The following CCDC27 variants were observed in gnomAD, a reference collection of about 807,000 sequenced individuals.
CCDC27 encodes coiled-coil domain-containing protein 27.
In CCDC27, 80 loss-of-function variants were observed where a neutral mutation model predicts 80.3. The ratio of observed to expected loss-of-function variants is 1.00; its 90% CI spans 0.83 to 1.20. The LOEUF (loss-of-function observed/expected upper bound fraction) is 1.20, where lower values mean the gene tolerates loss of function less well. CCDC27 is among the 50% of genes most tolerant of loss of function. CCDC27 has a pLI of 0.00. For missense variants in CCDC27, 815 were observed against 809.4 expected, an observed-to-expected ratio of 1.01 and a Z score of -0.08; for synonymous variants, 342 against 334.3, an observed-to-expected ratio of 1.02 and a Z score of -0.25.
chr1:3,763,922 C>A lies in CCDC27; in HGVS notation c.1452+86C>A, dbSNP rs140837813. On this transcript the variant is annotated intron_variant, in intron 8 of 11. Coordinates refer to ENST00000294600, the MANE Select transcript of CCDC27 (RefSeq NM_152492.3). The surrounding 1 kb of genome is among the most constrained non-coding windows in gnomAD (Gnocchi z 7.5). ...CCCCGGCAGCTCGGGGCAGGCGCTG[C>A]CCGTCCCATCTACTGATGGAGACTT... 26,269 of 1,527,176 alleles carry A rather than the reference C, an allele frequency of 0.017. 284 individuals are homozygous for A. Among genetic ancestry groups the A allele is most frequent in the Non-Finnish European group, 0.02 (23,121 of 1,133,000 alleles). 94.6% of individuals were successfully genotyped at this position (1,527,176 alleles called of 1,614,324 possible). A position where few individuals can be genotyped will look rare whatever the true frequency, so the allele number is the denominator to read the frequency against.
At chr1:3,754,423 G>T (rs766751887) in intron 2 of CCDC27, among the ~76,000 whole-genome samples, 182 bp downstream of exon 2, 11 of 152,134 alleles carry the variant, frequency 7.2e-5, no homozygotes, top group Non-Finnish European at 1.5e-4. Context: ...GAAGCTGGGG[G>T]TGGAGGGGGG....
In CCDC27 at chr1:3,762,620, G is replaced by T; in HGVS notation, c.862G>T (p.Glu288Ter). ...QETSMSPGRR[E>*]QLSDASLKLG... ...TGAGGGTCCCACGGGCGTCTTGCAG[G>T]AGCAGCTCTCAGACGCTTCGCTGAA... The change falls in exon 6 of 12, where the codon GAG becomes TAG. Residue 288 changes from glutamate to a stop codon, truncating the protein, a stop_gained and splice_region_variant. Coordinates refer to ENST00000294600, the MANE Select transcript of CCDC27 (RefSeq NM_152492.3). LOFTEE classifies it high-confidence loss of function. 1 of 1,550,572 alleles carries T rather than the reference G, an allele frequency of 6.4e-7. No homozygotes were observed. The highest frequency in any genetic ancestry group is 8.7e-7 in the Non-Finnish European group (1 of 1,146,576).
chr1:3,770,930 C>T (rs1052924665), intron 11 of CCDC27, among the ~76,000 whole-genome samples: 21 of 152,226 alleles, frequency 1.4e-4, no homozygotes, highest in Middle Eastern at 3.4e-3. Context: ...GAACCAGCAA[C>T]GGCCCAGAGA....
At chr1:3,762,200 G>A (rs1159858477) in intron 5 of CCDC27, among the ~76,000 whole-genome samples, 3 of 152,168 alleles carry the variant, frequency 2.0e-5, no homozygotes, top group African/African-American at 4.8e-5. Context: ...TGCCCTAAAT[G>A]CCTCAAGGGA....
Position 3,763,177 on chromosome 1 carries a change from G to A in CCDC27, c.1024G>A (p.Gly342Ser). The A allele has an allele frequency of 6.6e-7, 1 of 1,507,586 alleles. No individual in the cohort carries two copies. Among genetic ancestry groups the A allele is most frequent in the South Asian group, 1.3e-5 (1 of 75,508 alleles). The allele number at this position is 1,507,586 out of a possible 1,614,324, so 93.4% of individuals were successfully genotyped here. Reference sequence around the variant, plus strand: ...CCTGGGAGGTGGCGAGGAGGACGAGGGCCTGGAAGGGGAGCCCGATGGGGT... The same window carrying A: ...CCTGGGAGGTGGCGAGGAGGACGAGAGCCTGGAAGGGGAGCCCGATGGGGT... ...PDLGGGEEDE[G>S]LEGEPDGVED... The change falls in exon 7 of 12, where the codon GGC becomes AGC. Residue 342 changes from glycine (G) to serine (S), a missense_variant. Physicochemically the swap from Gly to Ser is moderately conservative, Grantham distance 56. Coordinates refer to ENST00000294600, the MANE Select transcript of CCDC27 (RefSeq NM_152492.3). This position sits in a 1 kb window ranked among gnomAD's most constrained non-coding sequence, Gnocchi z 7.5.
rs1230824488 is a variant in CCDC27 at position 3,761,622 on chromosome 1, A to C, written c.861+192A>C. Among the ~76,000 whole-genome samples, 2 of 151,942 alleles carry C rather than the reference A, an allele frequency of 1.3e-5. No individual in the cohort carries two copies. The highest frequency in any genetic ancestry group is 2.9e-5 in the Non-Finnish European group (2 of 67,926). On this transcript the variant is annotated intron_variant, in intron 5 of 11. Coordinates refer to ENST00000294600, the MANE Select transcript of CCDC27 (RefSeq NM_152492.3). This position sits in a 1 kb window ranked among gnomAD's most constrained non-coding sequence, Gnocchi z 5.0. ...AGGGGAGAGGCGAACAGAGGCACGA[A>C]ATGACAAATGAGAGCCATGAGCTGA...
chr1:3,755,364 C>A, intron 2 of CCDC27, 93 bp from the exon 3 acceptor site: 1 of 1,068,910 alleles, frequency 9.4e-7, no homozygotes. Flanking sequence ...TGTGTCCCTA[C>A]CTGGTGTTTA....
At chr1:3,758,874 G>T (rs1474757500) in intron 4 of CCDC27, among the ~76,000 whole-genome samples, 1 of 152,152 alleles carries the variant, frequency 6.6e-6, no homozygotes, top group African/African-American at 2.4e-5. Flanking sequence ...TGGGATAGCA[G>T]GTGTGAACCA....
chr1:3,768,261 C>T lies in CCDC27; in HGVS notation c.1743+816C>T, dbSNP rs1643281800. Among the ~76,000 whole-genome samples, 1 of 151,916 alleles carries T rather than the reference C, an allele frequency of 6.6e-6. No individual in the cohort carries two copies. The highest frequency in any genetic ancestry group is 1.5e-5 in the Non-Finnish European group (1 of 67,980). ...CACAGGCATGTGCCACCATACCTGG[C>T]CAATTTTAAAAGCTTTTTGTAGAGA... On this transcript the variant is annotated intron_variant, in intron 10 of 11. Transcript: ENST00000294600. This position sits in a 1 kb window ranked among gnomAD's most constrained non-coding sequence, Gnocchi z 5.6.
At chr1:3,757,010 G>C in intron 4 of CCDC27, 120 bp downstream of exon 4, 1 of 1,227,038 alleles carries the variant, frequency 8.1e-7, no homozygotes, top group Non-Finnish European at 1.1e-6. Flanking sequence ...CATCAAGCAG[G>C]TCCCCATGGC....
rs758723696 is a variant in CCDC27, at chr1:3,752,567, C to G, written c.86C>G (p.Ser29Cys). Residue 29 changes from serine to cysteine, a missense_variant, in exon 1 of 12, where the codon TCC becomes TGC. Physicochemically the swap from Ser to Cys is moderately radical, Grantham distance 112. Transcript: ENST00000294600. Reference protein sequence around the residue: ...REKPGLSSFRSTFRQQSSLGL... With the variant: ...REKPGLSSFRCTFRQQSSLGL... ...AAGCCGGGCCTGTCCTCATTCAGGT[C>G]CACATTCAGGCAACAAAGCTCACTT... 183 of 1,614,078 alleles carry G rather than the reference C, an allele frequency of 1.1e-4. No individual in the cohort carries two copies. Among genetic ancestry groups the G allele is most frequent in the Non-Finnish European group, 1.5e-4 (176 of 1,180,052 alleles).
chr1:3,759,211 T>A (rs903528299), intron 4 of CCDC27, among the ~76,000 whole-genome samples: 13 of 144,292 alleles, frequency 9.0e-5, no homozygotes, highest in Non-Finnish European at 1.5e-4. Flanking sequence ...TGCAAGACTT[T>A]GTCTCAAAAA....
intron 6 of CCDC27, 109 bp from the exon 7 acceptor site, chr1:3,762,999 C>A: frequency 7.5e-7 from 1 of 1,326,678 alleles, no homozygotes; most frequent in Non-Finnish European, 1.0e-6. Context: ...GACCCTGCAG[C>A]AGCCTGGAAG....
chr1:3,765,848 G>A (rs1413181204), intron 8 of CCDC27, among the ~76,000 whole-genome samples: 1 of 150,040 alleles, frequency 6.7e-6, no homozygotes, highest in Non-Finnish European at 1.5e-5. Context: ...TTAATGGAGA[G>A]TTTCTTTTCT....
In CCDC27 at chr1:3,761,531, GC is replaced by G. The variant is rs2124593586; in HGVS notation, c.861+106del. ...ACACAGGCCCCTGGCAAACCCCCAG[GC>G]CCCCTGGATCCTATCAGGTCCTCAC... On this transcript the variant is annotated intron_variant, in intron 5 of 11. Transcript: ENST00000294600. The surrounding 1 kb of genome is among the most constrained non-coding windows in gnomAD (Gnocchi z 5.0). 7.2e-7 allele frequency: 1 copy of G among 1,396,788 alleles called. No homozygotes were observed. The highest frequency in any genetic ancestry group is 9.7e-7 in the Non-Finnish European group (1 of 1,031,048). 86.5% of individuals were successfully genotyped at this position (1,396,788 alleles called of 1,614,324 possible). A position where few individuals can be genotyped will look rare whatever the true frequency, so the allele number is the denominator to read the frequency against.
In CCDC27 at chr1:3,763,377, G is replaced by C. The variant is rs967422801; in HGVS notation, c.1224G>C (p.Glu408Asp). The stretch of plus-strand genomic sequence containing the variant: ...CCTCCTCCCTGGCCGAGTCGTTTGA[G>C]GAGGAGCTGCTGGCCCAGCTGGAGG... ...RRASSLAESF[E>D]EELLAQLEEY... Residue 408 changes from glutamate (E) to aspartate (D), a missense_variant, in exon 7 of 12, where the codon GAG (glutamate) becomes GAC (aspartate). By Grantham distance (45) the Glu-to-Asp change is conservative (BLOSUM62 2). Coordinates refer to ENST00000294600, the MANE Select transcript of CCDC27 (RefSeq NM_152492.3). The surrounding 1 kb of genome is among the most constrained non-coding windows in gnomAD (Gnocchi z 7.5). The C allele has an allele frequency of 2.5e-6, 4 of 1,612,976 alleles. No homozygotes were observed. The highest frequency in any genetic ancestry group is 1.7e-5 in the Admixed American group (1 of 60,018).
rs1328499058 is a variant in CCDC27 at position 3,761,458 on chromosome 1, C to G, written c.861+28C>G. Reference sequence around the variant, plus strand: ...GAGCCAGCCCCAGCGGGGCACAGCGCAGAGCTCTAAGACGGTTGTTTTCAA... The same window carrying G: ...GAGCCAGCCCCAGCGGGGCACAGCGGAGAGCTCTAAGACGGTTGTTTTCAA... On this transcript the variant is annotated intron_variant, in intron 5 of 11. Coordinates refer to ENST00000294600, the MANE Select transcript of CCDC27 (RefSeq NM_152492.3). This position sits in a 1 kb window ranked among gnomAD's most constrained non-coding sequence, Gnocchi z 5.0. 1.9e-6 allele frequency: 3 copies of G among 1,610,422 alleles called. No individual in the cohort carries two copies. The highest frequency in any genetic ancestry group is 2.5e-6 in the Non-Finnish European group (3 of 1,178,818).
Position 3,756,861 on chromosome 1 carries a change from C to G in CCDC27, c.682C>G (p.Pro228Ala). The G allele has an allele frequency of 6.2e-7, 1 of 1,613,496 alleles. No homozygotes were observed. The highest frequency in any genetic ancestry group is 8.5e-7 in the Non-Finnish European group (1 of 1,179,888). Residue 228 changes from proline (P) to alanine (A), a missense_variant, in exon 4 of 12, where the codon CCC (proline) becomes GCC (alanine). Physicochemically the swap from Pro to Ala is conservative, Grantham distance 27. Transcript: ENST00000294600. The stretch of plus-strand genomic sequence containing the variant: ...TCAGAGCTGCCTGAGAAAGAGGATG[C>G]CCTGGTACCTCTCAGTCATCCACGA... The part of the protein sequence containing the change: ...ASQSCLRKRM[P>A]WYLSVIHEKD...
chr1:3,756,733 G>T lies in CCDC27; in HGVS notation c.554G>T (p.Gly185Val). Residue 185 changes from glycine to valine, a missense_variant and splice_region_variant, in exon 4 of 12, where the codon GGG (glycine) becomes GTG (valine). Physicochemically the swap from Gly to Val is moderately radical, Grantham distance 109. Coordinates refer to ENST00000294600, the MANE Select transcript of CCDC27 (RefSeq NM_152492.3). ...CACTTGGCCTCCGCTGTCGCCACAG[G>T]GTACCTCCTTCCCTTCAGTAAGAGC... ...ARRGSDTNVD[G>V]YLLPFSKSIC... 1.2e-6 allele frequency: 2 copies of T among 1,613,894 alleles called. No homozygotes were observed. Among genetic ancestry groups the T allele is most frequent in the Non-Finnish European group, 1.7e-6 (2 of 1,179,936 alleles).
Sources: allele counts gnomAD v4.1 joint callset (sites outside exome capture counted in the v4.1 genomes callset), GRCh38; gene constraint gnomAD v4.1.1; non-coding constraint Gnocchi (gnomAD v3.1); transcripts MANE v1.5; gene names NCBI Gene and HGNC (gene_info 2026-07-23, HGNC 2026-07-21).